Variants in VNN2 observed in about 807,000 individuals in gnomAD.
VNN2 encodes the protein vanin 2, also known as pantetheine hydrolase VNN2.
In VNN2, 43 loss-of-function variants were observed where a neutral mutation model predicts 43.0. That is an observed-to-expected ratio of 1.00 (90% CI 0.78 to 1.29). VNN2 has a LOEUF of 1.29. VNN2 is among the 50% of genes most tolerant of loss of function. VNN2 has a pLI of 0.00. For missense variants in VNN2, 652 were observed against 619.7 expected (o/e 1.05, Z -0.55); for synonymous variants, 230 against 224.3 (o/e 1.03, Z -0.23).
chr6:132,746,861 G>C (rs1480273160), intron 6 of VNN2, among the ~76,000 whole-genome samples: 2 of 152,046 alleles, frequency 1.3e-5, no homozygotes. Context: ...ATTAGTATCT[G>C]TTCCTTAGAA....
At chr6:132,745,656 G>A (rs1177110503) in intron 6 of VNN2, among the ~76,000 whole-genome samples, 4 of 152,214 alleles carry the variant, frequency 2.6e-5, no homozygotes, top group South Asian at 2.1e-4. Flanking sequence ...ACTGGCTAGC[G>A]CTGAAGATTA....
Position 132,753,243 on chromosome 6 carries a change from T to C in VNN2, c.538-494A>G, listed in dbSNP as rs1780242215. 4 of 225,472 alleles carry C rather than the reference T, an allele frequency of 1.8e-5. No homozygotes were observed. The Admixed American group carries it at 2.0e-4, about 11-fold the overall frequency. The allele number at this position is 225,472 out of a possible 1,614,324, so 14.0% of individuals were successfully genotyped here. A position where few individuals can be genotyped will look rare whatever the true frequency, so the allele number is the denominator to read the frequency against. ...GGTTTCACCGTGTCAGCCAGGATGA[T>C]CTCAATCTCCTGACCTCATGATCCA... On this transcript the variant is annotated intron_variant, in intron 3 of 6. Transcript: ENST00000326499.
At chr6:132,756,088 C>T (rs1780460804) in intron 2 of VNN2, 53 bp from the exon 3 acceptor site, 2 of 1,451,050 alleles carry the variant, frequency 1.4e-6, no homozygotes, top group East Asian at 2.5e-5. Context: ...ATTTTAGTCA[C>T]TTTATATGGA....
upstream of VNN2, among the ~76,000 whole-genome samples, chr6:132,759,312 G>A (rs182016778): frequency 2.5e-3 from 383 of 151,688 alleles, 3 homozygotes; most frequent in Non-Finnish European, 4.1e-3. Context: ...GGTGGTGGGC[G>A]CCTGTAATCC....
At position 132,744,166 on chromosome 6, in the gene VNN2, A is replaced by T; in HGVS notation, c.*134T>A. On this transcript the variant is annotated 3_prime_UTR_variant, in exon 7 of 7. Coordinates refer to ENST00000326499, the MANE Select transcript of VNN2 (RefSeq NM_004665.6). ...CATAATACTTAAAAAATAATTATTG[A>T]TGAGAAAAAATATTTAGGACTCACT... is the stretch of plus-strand genomic sequence containing the variant. The T allele has an allele frequency of 1.5e-6, 1 of 685,228 alleles. No individual in the cohort carries two copies. The highest frequency in any genetic ancestry group is 2.2e-6 in the Non-Finnish European group (1 of 449,080). The allele number at this position is 685,228 out of a possible 1,614,324, so 42.4% of individuals were successfully genotyped here.
intron 6 of VNN2, among the ~76,000 whole-genome samples, chr6:132,746,136 T>C (rs973830853): frequency 1.3e-5 from 2 of 152,234 alleles, no homozygotes; most frequent in Admixed American, 1.3e-4. Flanking sequence ...GTTATCTAAC[T>C]AGTTAGTTAC....
Position 132,744,357 on chromosome 6 carries a change from G to A in VNN2, c.1506C>T (p.Tyr502=). The change falls in exon 7 of 7, where the codon TAC becomes TAT. Residue 502 remains tyrosine (Y), a synonymous_variant. Coordinates refer to ENST00000326499, the MANE Select transcript of VNN2 (RefSeq NM_004665.6). ...SCGTSNSAIT[Y]LLIFILLMII... is the part of the protein sequence containing the mutation. ...TCATTAATAATATGAATATTAGCAG[G>A]TAAGTTATTGCTGAATTGCTGGTCC... 6.2e-7 allele frequency: 1 copy of A among 1,612,794 alleles called. No individual in the cohort carries two copies. The highest frequency in any genetic ancestry group is 8.5e-7 in the Non-Finnish European group (1 of 1,179,648).
intron 5 of VNN2, among the ~76,000 whole-genome samples, chr6:132,750,661 CAAAAAAAAAAAAAAGA>C (rs1437179250): frequency 1.6e-4 from 12 of 76,494 alleles, no homozygotes; most frequent in Non-Finnish European, 3.0e-4. Context: ...GAAATTGTCT[CAAAAAAAAAAAAAAGA>C]AAAAGAAAAG....
At chr6:132,745,247 G>C (rs569164471) in intron 6 of VNN2, among the ~76,000 whole-genome samples, 15 of 152,136 alleles carry the variant, frequency 9.9e-5, no homozygotes, top group African/African-American at 3.6e-4. Flanking sequence ...ATGGAGTCTC[G>C]CTCTGTCACC....
Position 132,752,670 on chromosome 6 carries a change from A to C in VNN2, c.617T>G (p.Phe206Cys). 6.2e-7 allele frequency: 1 copy of C among 1,614,222 alleles called. No individual in the cohort carries two copies. The highest frequency in any genetic ancestry group is 1.7e-5 in the Admixed American group (1 of 60,022). ...LVTFNTAFGR[F>C]GIFTCFDIFF... is the part of the protein sequence containing the mutation. Reference sequence around the variant, plus strand: ...TATATCAAAGCACGTGAAAATGCCAAACCTTCCAAATGCGGTGTTGAAAGT... The same window carrying C: ...TATATCAAAGCACGTGAAAATGCCACACCTTCCAAATGCGGTGTTGAAAGT... The change falls in exon 4 of 7, where the codon TTT (phenylalanine) becomes TGT (cysteine). Residue 206 changes from phenylalanine (F) to cysteine (C), a missense_variant. By Grantham distance (205) the Phe-to-Cys change is radical (BLOSUM62 -2). Transcript: ENST00000326499.
At position 132,749,826 on chromosome 6, in the gene VNN2, T is replaced by C; in HGVS notation, c.1240A>G (p.Thr414Ala). 1 of 1,614,108 alleles carries C rather than the reference T, an allele frequency of 6.2e-7. No homozygotes were observed. Among genetic ancestry groups the C allele is most frequent in the South Asian group, 1.1e-5 (1 of 91,086 alleles). Residue 414 changes from threonine to alanine, a missense_variant, in exon 6 of 7, where the codon ACT (threonine) becomes GCT (alanine). Coordinates refer to ENST00000326499, the MANE Select transcript of VNN2 (RefSeq NM_004665.6). ...GCAGTTTCTACTGGCCGTCCACAAG[T>C]TGTCAAATTAGTAGTTTTGCACTTC... ...LLKCKTTNLT[T>A]CGRPVETAST... is the part of the protein sequence containing the mutation.
At chr6:132,759,084 TA>T (rs1655021775), upstream of VNN2, among the ~76,000 whole-genome samples, 1 of 152,076 alleles carries the variant, frequency 6.6e-6, no homozygotes, top group African/African-American at 2.4e-5. Context: ...TGTGTTGTAA[TA>T]AGGAGAAGAT....
intron 4 of VNN2, 34 bp from the exon 5 acceptor site, chr6:132,751,552 A>G: frequency 1.3e-6 from 2 of 1,562,886 alleles, no homozygotes; most frequent in Admixed American, 1.9e-5. Flanking sequence ...TAAAAACAAC[A>G]CCACACACAA....
upstream of VNN2, among the ~76,000 whole-genome samples, chr6:132,758,363 G>T (rs952337532): frequency 6.6e-6 from 1 of 151,788 alleles, no homozygotes; most frequent in Non-Finnish European, 1.5e-5. Flanking sequence ...TCTTAAGAAC[G>T]CAATATATCT....
chr6:132,751,311 C>T lies in VNN2; in HGVS notation c.1034G>A (p.Gly345Glu), dbSNP rs550895396. 1.9e-6 allele frequency: 3 copies of T among 1,614,082 alleles called. No homozygotes were observed. The highest frequency in any genetic ancestry group is 2.2e-5 in the South Asian group (2 of 91,074). ...NTFRGFISRD[G>E]FNFTELFENA... ...TTCAAAAAGTTCTGTGAAGTTGAACCCATCCCTGGAAATAAATCCCCTGAA... is the reference window on the plus strand; with the variant it reads ...TTCAAAAAGTTCTGTGAAGTTGAACTCATCCCTGGAAATAAATCCCCTGAA... The change falls in exon 5 of 7, where the codon GGG becomes GAG. Residue 345 changes from glycine to glutamate, a missense_variant. Transcript: ENST00000326499.
Position 132,752,415 on chromosome 6 carries a change from C to A in VNN2, c.826+46G>T, listed in dbSNP as rs538255742. On this transcript the variant is annotated intron_variant, in intron 4 of 6. Coordinates refer to ENST00000326499, the MANE Select transcript of VNN2 (RefSeq NM_004665.6). ...AGTCATAACTGAGGCATTCATTTCT[C>A]TGCACTTAAAAATATAAGATGAAAC... is the stretch of plus-strand genomic sequence containing the variant. 1.0e-5 allele frequency: 16 copies of A among 1,555,052 alleles called. No individual in the cohort carries two copies. In the African/African-American group the frequency reaches 1.8e-4, roughly 17 times the overall value.
intron 3 of VNN2, chr6:132,753,004 C>CT (rs1780224095): frequency 2.6e-6 from 1 of 382,358 alleles, no homozygotes. Flanking sequence ...GAGCCAAATA[C>CT]CCCCCCATAA....
chr6:132,751,033 C>G lies in VNN2; in HGVS notation c.1200+112G>C, dbSNP rs1051998976. On this transcript the variant is annotated intron_variant, in intron 5 of 6. Coordinates refer to ENST00000326499, the MANE Select transcript of VNN2 (RefSeq NM_004665.6). Reference sequence around the variant, plus strand: ...GTGTTGTGTGTGTGTGTGTTGCCATCAATGCATGGAGTCAAGCCAAGGAAA... The same window carrying G: ...GTGTTGTGTGTGTGTGTGTTGCCATGAATGCATGGAGTCAAGCCAAGGAAA... 106 of 1,317,978 alleles carry G rather than the reference C, an allele frequency of 8.0e-5. No homozygotes were observed. The Middle Eastern group carries it at 8.3e-4, about 10-fold the overall frequency. 81.6% of individuals were successfully genotyped at this position (1,317,978 alleles called of 1,614,324 possible). A position where few individuals can be genotyped will look rare whatever the true frequency, so the allele number is the denominator to read the frequency against.
chr6:132,761,505 C>T (rs1367865028), upstream of VNN2, among the ~76,000 whole-genome samples: 8 of 151,930 alleles, frequency 5.3e-5, no homozygotes. Context: ...ACTAAAAATA[C>T]AAAAACTAGC....
Sources: allele counts gnomAD v4.1 joint callset (sites outside exome capture counted in the v4.1 genomes callset), GRCh38; gene constraint gnomAD v4.1.1; transcripts MANE v1.5; gene names NCBI Gene and HGNC (gene_info 2026-07-23, HGNC 2026-07-21).